The following PPP2R3B variants were observed in gnomAD, a reference collection of about 807,000 sequenced individuals.
The protein encoded by PPP2R3B is serine/threonine-protein phosphatase 2A regulatory subunit B'' subunit beta.
In PPP2R3B, 68 loss-of-function variants were observed where a neutral mutation model predicts 72.9. The ratio of observed to expected loss-of-function variants is 0.93; its 90% confidence interval spans 0.77 to 1.14. The LOEUF (loss-of-function observed/expected upper bound fraction) is 1.14, where lower values mean the gene tolerates loss of function less well. PPP2R3B is among the 50% of genes most tolerant of loss of function. The probability of loss-of-function intolerance (pLI) is 0.00; values close to 1 mark genes in which losing one functional copy is unlikely to be tolerated. For missense variants in PPP2R3B, 1,018 were observed against 842.0 expected (o/e 1.21, Z -2.59); for synonymous variants, 466 against 375.8 (o/e 1.24, Z -2.78).
At chrX:344,245 T>G (rs1288492671) in intron 7 of PPP2R3B, among the ~76,000 whole-genome samples, 13 of 77,398 alleles carry the variant, frequency 1.7e-4, no homozygotes, top group African/African-American at 2.0e-4. Context: ...GAGGCCGGAG[T>G]GAGACCTCAC....
At chrX:367,327 AG>A (rs1279838429) in intron 1 of PPP2R3B, among the ~76,000 whole-genome samples, 2 of 152,142 alleles carry the variant, frequency 1.3e-5, no homozygotes, top group African/African-American at 4.8e-5. Context: ...TCAATACAAC[AG>A]CCTGTCAGTG....
intron 2 of PPP2R3B, among the ~76,000 whole-genome samples, chrX:354,919 G>A (rs781284622): frequency 2.9e-4 from 44 of 152,330 alleles, no homozygotes; most frequent in African/African-American, 1.1e-3. Context: ...TCTGATGAAG[G>A]ACGCCAGGCA....
At chrX:386,224 GGGGGGGTC>G in intron 1 of PPP2R3B, 136 bp downstream of exon 1, 1 of 480,740 alleles carries the variant, frequency 2.1e-6, no homozygotes, top group Non-Finnish European at 3.3e-6. Context: ...GTGTGTGGTG[GGGGGGGTC>G]GGGGCGGGGA....
chrX:344,654 G>A (rs2071157936), intron 7 of PPP2R3B, among the ~76,000 whole-genome samples: 1 of 152,232 alleles, frequency 6.6e-6, no homozygotes, highest in Non-Finnish European at 1.5e-5. Flanking sequence ...CACACGGGCC[G>A]GCGCTGTGGA....
At chrX:352,148 T>C (rs1231428943) in intron 2 of PPP2R3B, among the ~76,000 whole-genome samples, 1 of 152,176 alleles carries the variant, frequency 6.6e-6, no homozygotes, top group Non-Finnish European at 1.5e-5. Context: ...AACTCTAAAA[T>C]GCAAAAGATA....
chrX:347,370 C>T, intron 3 of PPP2R3B, 34 bp from the exon 4 acceptor site: 1 of 1,588,670 alleles, frequency 6.3e-7, no homozygotes, highest in South Asian at 1.1e-5. Flanking sequence ...ACCACCCTCA[C>T]AGGGGGGTGG....
At chrX:336,918 C>CCATT (rs1206171073) in intron 12 of PPP2R3B, 1 of 152,060 alleles carries the variant, frequency 6.6e-6, no homozygotes, top group Admixed American at 6.6e-5. Flanking sequence ...CCACAGGGAT[C>CCATT]CATTCACTCA....
chrX:338,465 CCTCT>C, intron 12 of PPP2R3B, 135 bp downstream of exon 12: 1 of 846,908 alleles, frequency 1.2e-6, no homozygotes, highest in Non-Finnish European at 1.9e-6. Context: ...TCACCCCGCC[CCTCT>C]GTGTCCGCGC....
At chrX:385,234 T>C (rs2072219728) in intron 1 of PPP2R3B, among the ~76,000 whole-genome samples, 1 of 151,846 alleles carries the variant, frequency 6.6e-6, no homozygotes, top group African/African-American at 2.4e-5. Context: ...TTCCTATAAC[T>C]TCTTGAATAT....
At chrX:357,889 C>G (rs1038994711) in intron 2 of PPP2R3B, among the ~76,000 whole-genome samples, 4 of 152,152 alleles carry the variant, frequency 2.6e-5, no homozygotes, top group African/African-American at 9.7e-5. Context: ...GAGATCAGCC[C>G]TGACTCACAC....
chrX:338,784 C>G lies in PPP2R3B; in HGVS notation c.1464G>C (p.Leu488=). The stretch of plus-strand genomic sequence containing the variant: ...GCGTGCCCGCCGCACTCACCCTGAG[C>G]AGGGAGATCTGCTCTTTCTGCTCGT... The part of the protein sequence containing the change: ...LDHEQKEQIS[L]LRDGDSGGPE... Residue 488 remains leucine (L), a synonymous_variant, in exon 11 of 13, where the codon CTG becomes CTC. Transcript: ENST00000390665. 6.2e-7 allele frequency: 1 copy of G among 1,612,412 alleles called. No homozygotes were observed. The highest frequency in any genetic ancestry group is 1.1e-5 in the South Asian group (1 of 91,080).
In PPP2R3B at chrX:334,343, G is replaced by A. The variant is rs375358813; in HGVS notation, c.*24C>T. ...GTGGTGGCACGTGGGGAGCGGCCCCGCGGCGGCGTTCTCGCGGGCGGCGTC... is the reference window on the plus strand; with the variant it reads ...GTGGTGGCACGTGGGGAGCGGCCCCACGGCGGCGTTCTCGCGGGCGGCGTC... On this transcript the variant is annotated 3_prime_UTR_variant, in exon 13 of 13. Coordinates refer to ENST00000390665, the MANE Select transcript of PPP2R3B (RefSeq NM_013239.5). 5.9e-5 allele frequency: 86 copies of A among 1,463,582 alleles called. No homozygotes were observed. The highest frequency in any genetic ancestry group is 2.9e-4 in the East Asian group (11 of 38,326). The allele number at this position is 1,463,582 out of a possible 1,614,324, so 90.7% of individuals were successfully genotyped here. A position where few individuals can be genotyped will look rare whatever the true frequency, so the allele number is the denominator to read the frequency against.
rs1476018899 is a variant in PPP2R3B, at chrX:386,894, C to T, written c.-203G>A. 5.3e-6 allele frequency: 1 copy of T among 188,116 alleles called. No individual in the cohort carries two copies. The highest frequency in any genetic ancestry group is 1.1e-5 in the Non-Finnish European group (1 of 93,366). The allele number at this position is 188,116 out of a possible 1,614,324, so 11.7% of individuals were successfully genotyped here. Reference sequence around the variant, plus strand: ...AGGGGGCGCGGTCCGGCCCGCGCTGCTCAGGGCAGCTTCAAAACGGGCGCG... The same window carrying T: ...AGGGGGCGCGGTCCGGCCCGCGCTGTTCAGGGCAGCTTCAAAACGGGCGCG... On this transcript the variant is annotated 5_prime_UTR_variant, in exon 1 of 13. Coordinates refer to ENST00000390665, the MANE Select transcript of PPP2R3B (RefSeq NM_013239.5).
chrX:339,042 G>T, intron 10 of PPP2R3B, 146 bp from the exon 11 acceptor site: 1 of 738,436 alleles, frequency 1.4e-6, no homozygotes, highest in Non-Finnish European at 2.4e-6. Flanking sequence ...CGTGAAAGGC[G>T]GACACGCGAG....
At chrX:346,127 G>A in intron 6 of PPP2R3B, 47 bp downstream of exon 6, 4 of 1,354,902 alleles carry the variant, frequency 3.0e-6, no homozygotes, top group Non-Finnish European at 4.0e-6. Flanking sequence ...GGAGGTAGGA[G>A]GGGTAGGGAC....
chrX:374,333 G>A (rs1273376534), intron 1 of PPP2R3B, among the ~76,000 whole-genome samples: 2 of 152,126 alleles, frequency 1.3e-5, no homozygotes, highest in African/African-American at 2.4e-5. Flanking sequence ...CCACAAACAC[G>A]CACGGCAGCC....
chrX:345,229 C>A (rs767056385), intron 7 of PPP2R3B: 1 of 653,950 alleles, frequency 1.5e-6, no homozygotes, highest in South Asian at 1.5e-5. Context: ...AGCCCCACAG[C>A]GCTGCTGGCC....
rs781565541 is a variant in PPP2R3B, at chrX:386,683, G to A, written c.9C>T (p.Pro3=). Residue 3 remains proline, a synonymous_variant, in exon 1 of 13, where the codon CCC becomes CCT. Coordinates refer to ENST00000390665, the MANE Select transcript of PPP2R3B (RefSeq NM_013239.5). MP[P]GKVLQPVLKM... ...TCAGGACCGGCTGCAGCACTTTGCC[G>A]GGCGGCATGGCGGGGGCTGGGCCCG... 91 of 1,308,630 alleles carry A rather than the reference G, an allele frequency of 7.0e-5. 1 individual carries two copies. In the East Asian group the frequency reaches 2.3e-3, roughly 33 times the overall value. 81.1% of individuals were successfully genotyped at this position (1,308,630 alleles called of 1,614,324 possible).
chrX:341,035 C>A (rs2071055120), intron 9 of PPP2R3B, 95 bp from the exon 10 acceptor site: 1 of 1,495,448 alleles, frequency 6.7e-7, no homozygotes, highest in Non-Finnish European at 9.0e-7. Context: ...GTGCACGCGT[C>A]CCCGCTGTGC....
Sources: allele counts gnomAD v4.1 joint callset (sites outside exome capture counted in the v4.1 genomes callset), GRCh38; gene constraint gnomAD v4.1.1; transcripts MANE v1.5; gene names NCBI Gene and HGNC (gene_info 2026-07-23, HGNC 2026-07-21).